The following CCDC141 variants were observed in gnomAD, a reference collection of about 807,000 sequenced individuals.
The protein encoded by CCDC141 is coiled-coil domain-containing protein 141.
Under a neutral mutation model 181.0 loss-of-function variants are expected in CCDC141, and 168 were observed. The observed-to-expected ratio is 0.93, with a 90% CI of 0.82 to 1.05. CCDC141 has a LOEUF of 1.05. CCDC141 is among the 50% of genes least tolerant of loss of function. The pLI is 0.00. For missense variants in CCDC141, 1,902 were observed against 1,788.5 expected (o/e 1.06, Z -1.14); for synonymous variants, 666 against 642.3 (o/e 1.04, Z -0.56).
intron 6 of CCDC141, among the ~76,000 whole-genome samples, chr2:178,935,631 T>C (rs923814528): frequency 6.6e-6 from 1 of 152,134 alleles, no homozygotes; most frequent in African/African-American, 2.4e-5. Context: ...TTCCTCTGGG[T>C]ATATGCCCAG....
chr2:178,921,734 G>A (rs893853295), intron 6 of CCDC141, among the ~76,000 whole-genome samples: 4 of 152,158 alleles, frequency 2.6e-5, no homozygotes, highest in East Asian at 1.9e-4. Flanking sequence ...GGGGAAAAAC[G>A]TTCTATAGCT....
At chr2:178,903,625 A>T in intron 8 of CCDC141, among the ~76,000 whole-genome samples, 1 of 81,496 alleles carries the variant, frequency 1.2e-5, no homozygotes, top group South Asian at 5.4e-4. Context: ...GGGAGGGGGG[A>T]GGGATAGCTT....
intron 8 of CCDC141, among the ~76,000 whole-genome samples, chr2:178,904,367 T>C (rs1687859713): frequency 6.6e-6 from 1 of 152,154 alleles, no homozygotes; most frequent in Admixed American, 6.5e-5. Context: ...CCTGTCCAGA[T>C]TCAGACTGTC....
intron 7 of CCDC141, among the ~76,000 whole-genome samples, chr2:178,913,331 C>T (rs114338067): frequency 1.0e-3 from 154 of 152,238 alleles, no homozygotes; most frequent in Middle Eastern, 6.8e-3. Flanking sequence ...TAACATTTAG[C>T]CTATTACTTG....
chr2:178,853,714 C>T (rs1685265087), intron 19 of CCDC141, 90 bp from the exon 20 acceptor site: 1 of 1,076,948 alleles, frequency 9.3e-7, no homozygotes, highest in South Asian at 1.6e-5. Flanking sequence ...AATTTTAATT[C>T]CCTCAACTTA....
At chr2:179,015,091 T>TATATATATA (rs1559048630) in intron 2 of CCDC141, among the ~76,000 whole-genome samples, 12 of 42,032 alleles carry the variant, frequency 2.9e-4, no homozygotes, top group African/African-American at 8.0e-4. Flanking sequence ...TATATATATA[T>TATATATATA]ATATATATAT....
rs1344452591 is a variant in CCDC141, at chr2:178,918,797, C to T, written c.1008G>A (p.Gln336=). Residue 336 remains glutamine, a synonymous_variant, in exon 7 of 24, where the codon CAG becomes CAA. Coordinates refer to ENST00000443758, the MANE Select transcript of CCDC141 (RefSeq NM_173648.4). ...HLQLSHQKLS[Q]LQEEFGQLMV... Reference sequence around the variant, plus strand: ...TGAGTTGACCAAATTCTTCTTGAAGCTGACTGAGTTTCTGGTGAGAGAGCT... The same window carrying T: ...TGAGTTGACCAAATTCTTCTTGAAGTTGACTGAGTTTCTGGTGAGAGAGCT... 10 of 1,550,598 alleles carry T rather than the reference C, an allele frequency of 6.4e-6. No homozygotes were observed. The highest frequency in any genetic ancestry group is 8.7e-6 in the Non-Finnish European group (10 of 1,146,980).
At chr2:178,975,436 C>T (rs1352886602) in intron 3 of CCDC141, among the ~76,000 whole-genome samples, 1 of 152,038 alleles carries the variant, frequency 6.6e-6, no homozygotes, top group Non-Finnish European at 1.5e-5. Flanking sequence ...ATAAACCAAC[C>T]TGTTTACTGT....
chr2:178,870,649 T>G (rs1443431855), intron 14 of CCDC141, among the ~76,000 whole-genome samples: 1 of 152,126 alleles, frequency 6.6e-6, no homozygotes, highest in Non-Finnish European at 1.5e-5. Context: ...TTACATCGGT[T>G]TTTGTCTTAA....
the CCDC141 span, among the ~76,000 whole-genome samples, chr2:178,821,493 C>T: frequency 1.3e-5 from 2 of 152,138 alleles, no homozygotes; most frequent in Admixed American, 1.3e-4. Context: ...GTGTTTAATA[C>T]CCCTTAGAGA....
chr2:178,874,760 A>G (rs1047094127), intron 12 of CCDC141: 7 of 152,302 alleles, frequency 4.6e-5, no homozygotes, highest in African/African-American at 1.4e-4. Flanking sequence ...CTGTGCAGAC[A>G]GGAAGCTGAT....
chr2:178,829,612 T>C (rs1684181163), downstream of CCDC141: 2 of 152,238 alleles, frequency 1.3e-5, no homozygotes, highest in Non-Finnish European at 2.9e-5. Context: ...ACAGAGAAAA[T>C]GAATTGTTTT....
intron 2 of CCDC141, among the ~76,000 whole-genome samples, chr2:178,988,236 G>T (rs922181568): frequency 2.7e-5 from 4 of 148,442 alleles, no homozygotes; most frequent in East Asian, 4.0e-4. Context: ...ACCAAACACC[G>T]TATATTCTCA....
At chr2:178,829,249 T>C (rs139907223), downstream of CCDC141, among the ~76,000 whole-genome samples, 628 of 152,348 alleles carry the variant, frequency 4.1e-3, 3 homozygotes, top group African/African-American at 0.014. Flanking sequence ...GCACTCTTGC[T>C]CTTTAAGGAA....
In CCDC141 at chr2:179,049,862, T is replaced by A; in HGVS notation, c.80A>T (p.Lys27Ile). ...SSVAVQAGDS[K>I]IVIAVIKCGK... ...TACCTTTATGACAGCTATAACGATT[T>A]TGGAGTCCCCAGCCTGCACAGCAAC... is the stretch of plus-strand genomic sequence containing the variant. The change falls in exon 1 of 24, where the codon AAA becomes ATA. Residue 27 changes from lysine to isoleucine, a missense_variant. Transcript: ENST00000443758. The A allele has an allele frequency of 6.4e-7, 1 of 1,550,774 alleles. No homozygotes were observed. Among genetic ancestry groups the A allele is most frequent in the Middle Eastern group, 1.7e-4 (1 of 5,994 alleles).
intron 2 of CCDC141, among the ~76,000 whole-genome samples, chr2:179,045,850 A>G (rs1182608831): frequency 6.6e-6 from 1 of 152,182 alleles, no homozygotes; most frequent in African/African-American, 2.4e-5. Flanking sequence ...CTACATAGAA[A>G]AGACTTACCA....
chr2:178,927,576 T>C (rs13012900), intron 6 of CCDC141, among the ~76,000 whole-genome samples: 25,879 of 151,872 alleles, frequency 0.17, 2,322 homozygotes, highest in Middle Eastern at 0.24. Flanking sequence ...TTCTGGATCA[T>C]AGAGCAATGG....
At chr2:178,837,797 G>C (rs958267322) in intron 22 of CCDC141, 53 bp from the exon 23 acceptor site, 27 of 1,541,110 alleles carry the variant, frequency 1.8e-5, no homozygotes. Context: ...TCTTTTTCCA[G>C]TTTCAATTAC....
rs145950355 is a variant in CCDC141 at position 178,996,688 on chromosome 2, C to A, written c.226-18013G>T. Among the ~76,000 whole-genome samples the A allele has an allele frequency of 2.2e-3, 330 of 152,270 alleles. 1 individual carries two copies. The highest frequency in any genetic ancestry group is 7.5e-3 in the African/African-American group (312 of 41,552). On this transcript the variant is annotated intron_variant, in intron 2 of 23. Transcript: ENST00000443758. ...AGCAACTTAGCTATGATTATGGCTTCCAATATTTCGTTGGGACTCTCCCAT... is the reference window on the plus strand; with the variant it reads ...AGCAACTTAGCTATGATTATGGCTTACAATATTTCGTTGGGACTCTCCCAT...
Sources: allele counts gnomAD v4.1 joint callset (sites outside exome capture counted in the v4.1 genomes callset), GRCh38; gene constraint gnomAD v4.1.1; transcripts MANE v1.5; gene names NCBI Gene and HGNC (gene_info 2026-07-23, HGNC 2026-07-21).